The following FREM1 variants were observed in gnomAD, a reference collection of about 807,000 sequenced individuals.
FREM1 encodes the protein FRAS1 related extracellular matrix 1.
Under a neutral mutation model 210.1 loss-of-function variants are expected in FREM1, and 220 were observed. The observed-to-expected ratio is 1.05, with a 90% confidence interval of 0.94 to 1.17. FREM1 has a LOEUF of 1.17. FREM1 is among the 50% of genes most tolerant of loss of function. The probability of loss-of-function intolerance (pLI) is 0.00; values close to 1 mark genes in which losing one functional copy is unlikely to be tolerated. For synonymous variants in FREM1, 1,189 were observed against 980.2 expected (o/e 1.21, Z -3.98); for missense variants, 3,454 against 2,675.5 (o/e 1.29, Z -6.42).
Position 14,895,583 on chromosome 9 carries a change from C to A in FREM1, c.-268+14331G>T, listed in dbSNP as rs560895940. On this transcript the variant is annotated intron_variant, in intron 1 of 36. Coordinates refer to ENST00000380880, the MANE Select transcript of FREM1 (RefSeq NM_001379081.2). ...AGTTGCCCAGCTCATGAAAAATCTT[C>A]TAATTTAGTTTACTTGGGATAATTT... Among the ~76,000 whole-genome samples the A allele has an allele frequency of 1.3e-4, 20 of 152,166 alleles. No homozygotes were observed. The South Asian group carries it at 3.9e-3, about 30-fold the overall frequency.
intron 1 of FREM1, among the ~76,000 whole-genome samples, chr9:14,906,057 C>A (rs1409496636): frequency 6.6e-6 from 1 of 152,168 alleles, no homozygotes; most frequent in African/African-American, 2.4e-5. Flanking sequence ...AATTAAGTCG[C>A]TTGCCATGTT....
chr9:14,893,290 T>A (rs943391238), intron 1 of FREM1, among the ~76,000 whole-genome samples: 1 of 152,230 alleles, frequency 6.6e-6, no homozygotes, highest in African/African-American at 2.4e-5. Context: ...GTGAATCTGT[T>A]GTACTTTGTG....
intron 10 of FREM1, among the ~76,000 whole-genome samples, chr9:14,838,086 T>A (rs1824960223): frequency 6.6e-6 from 1 of 152,228 alleles, no homozygotes; most frequent in African/African-American, 2.4e-5. Flanking sequence ...TAGCCTTTTT[T>A]ATGTCATAGA....
At chr9:14,765,032 T>C (rs923926) in intron 27 of FREM1, among the ~76,000 whole-genome samples, 39,342 of 152,206 alleles carry the variant, frequency 0.26, 5,506 homozygotes, top group Middle Eastern at 0.42. Flanking sequence ...TCTCATTAAG[T>C]ATTTTGAGCT....
At chr9:14,817,839 A>G (rs564672695) in intron 14 of FREM1, among the ~76,000 whole-genome samples, 11 of 152,116 alleles carry the variant, frequency 7.2e-5, no homozygotes, top group African/African-American at 2.7e-4. Flanking sequence ...CTCACGCACT[A>G]CCCGCTATGC....
chr9:14,897,154 A>C (rs1488470794), intron 1 of FREM1, among the ~76,000 whole-genome samples: 2 of 152,206 alleles, frequency 1.3e-5, no homozygotes, highest in African/African-American at 4.8e-5. Flanking sequence ...TTTTACGTAA[A>C]ATAACAATAA....
chr9:14,772,129 A>G (rs1057483743), intron 25 of FREM1, among the ~76,000 whole-genome samples: 2 of 152,078 alleles, frequency 1.3e-5, no homozygotes. Context: ...AAATAATTAT[A>G]ACTCATGATG....
chr9:14,816,812 C>T lies in FREM1; in HGVS notation c.2606G>A (p.Gly869Asp). The part of the protein sequence containing the change: ...QDDLLLEVTD[G>D]TNSAEFVLHV... Reference sequence around the variant, plus strand: ...TAGTACAAATTCTGCTGAATTTGTGCCATCGGTGACCTCCAAGAGTAGGTC... The same window carrying T: ...TAGTACAAATTCTGCTGAATTTGTGTCATCGGTGACCTCCAAGAGTAGGTC... The change falls in exon 15 of 37, where the codon GGC (glycine) becomes GAC (aspartate). Residue 869 changes from glycine (G) to aspartate (D), a missense_variant. Transcript: ENST00000380880. 1 of 1,439,766 alleles carries T rather than the reference C, an allele frequency of 6.9e-7. No individual in the cohort carries two copies. Among genetic ancestry groups the T allele is most frequent in the Non-Finnish European group, 9.4e-7 (1 of 1,068,776 alleles). The allele number at this position is 1,439,766 out of a possible 1,614,324, so 89.2% of individuals were successfully genotyped here. A position where few individuals can be genotyped will look rare whatever the true frequency, so the allele number is the denominator to read the frequency against.
intron 29 of FREM1, chr9:14,751,830 C>T (rs984873146): frequency 7.2e-5 from 11 of 151,878 alleles, no homozygotes; most frequent in Admixed American, 7.2e-4. Flanking sequence ...GTGAAGCTAT[C>T]CACTTCTTCT....
In FREM1 at chr9:14,797,530, G is replaced by A; in HGVS notation, c.3807C>T (p.Ile1269=). The change falls in exon 21 of 37, where the codon ATC becomes ATT. Residue 1269 remains isoleucine (I), a synonymous_variant. Transcript: ENST00000380880. The stretch of plus-strand genomic sequence containing the variant: ...GCATTGGTTTTTCATCATTAACTGG[G>A]ATGACCTCTACTGAAATGGTTTTAA... ...KILKTISVEV[I]PVNDEKPMLS... 1 of 1,611,004 alleles carries A rather than the reference G, an allele frequency of 6.2e-7. No individual in the cohort carries two copies. The highest frequency in any genetic ancestry group is 8.5e-7 in the Non-Finnish European group (1 of 1,178,390).
At chr9:14,773,215 T>C (rs149101782) in intron 25 of FREM1, among the ~76,000 whole-genome samples, 2 of 152,282 alleles carry the variant, frequency 1.3e-5, no homozygotes, top group East Asian at 3.9e-4. Flanking sequence ...AAAGGAGAAG[T>C]ACAGGTTGCA....
chr9:14,802,243 A>C (rs1158873196), intron 19 of FREM1, among the ~76,000 whole-genome samples: 1 of 152,214 alleles, frequency 6.6e-6, no homozygotes, highest in African/African-American at 2.4e-5. Context: ...TGAATCTAGA[A>C]CCTTCACCTT....
intron 10 of FREM1, among the ~76,000 whole-genome samples, chr9:14,825,945 C>T (rs1479153171): frequency 6.6e-6 from 1 of 152,056 alleles, no homozygotes; most frequent in African/African-American, 2.4e-5. Flanking sequence ...CTTTTCATAC[C>T]TCGTGTTATC....
chr9:14,746,332 A>G (rs766223111), intron 35 of FREM1, 21 bp downstream of exon 35: 1 of 1,508,268 alleles, frequency 6.6e-7, no homozygotes, highest in South Asian at 1.1e-5. Flanking sequence ...CACCAATCAA[A>G]TGTGCAATAG....
chr9:14,759,563 C>T (rs770293066), intron 28 of FREM1, among the ~76,000 whole-genome samples: 24 of 98,178 alleles, frequency 2.4e-4, no homozygotes, highest in Non-Finnish European at 3.8e-4. Flanking sequence ...GCAACACGTA[C>T]ACTAAAAAAT....
chr9:14,788,878 G>C, intron 23 of FREM1, 41 bp downstream of exon 23: 1 of 1,520,468 alleles, frequency 6.6e-7, no homozygotes, highest in South Asian at 1.2e-5. Flanking sequence ...ATACCAGTTA[G>C]CAAAGTTGAT....
Position 14,846,016 on chromosome 9 carries a change from C to A in FREM1, c.1337G>T (p.Gly446Val), listed in dbSNP as rs758564852. The change falls in exon 8 of 37, where the codon GGT becomes GTT. Residue 446 changes from glycine to valine, a missense_variant. Gly to Val is a moderately radical substitution (Grantham distance 109). Coordinates refer to ENST00000380880, the MANE Select transcript of FREM1 (RefSeq NM_001379081.2). ...QFQVVDNDDI[G>V]AVRLVTVGGL... ...ACCAACGGTGACTAGCCGGACAGCA[C>A]CAATGTCGTCATTGTCGACAACCTG... 5 of 1,612,516 alleles carry A rather than the reference C, an allele frequency of 3.1e-6. No individual in the cohort carries two copies. The Admixed American group carries it at 8.4e-5, about 27-fold the overall frequency.
At chr9:14,833,942 G>T (rs534276177) in intron 10 of FREM1, among the ~76,000 whole-genome samples, 1 of 152,176 alleles carries the variant, frequency 6.6e-6, no homozygotes, top group Non-Finnish European at 1.5e-5. Context: ...TTGTGGGGCA[G>T]TTGGGGGGGA....
chr9:14,893,311 G>T (rs1334389649), intron 1 of FREM1, among the ~76,000 whole-genome samples: 3 of 152,194 alleles, frequency 2.0e-5, no homozygotes, highest in African/African-American at 7.2e-5. Flanking sequence ...CTATGAATTT[G>T]TCTTTCCATA....
Sources: allele counts gnomAD v4.1 joint callset (sites outside exome capture counted in the v4.1 genomes callset), GRCh38; gene constraint gnomAD v4.1.1; transcripts MANE v1.5; gene names NCBI Gene and HGNC (gene_info 2026-07-23, HGNC 2026-07-21).